Variants in SLC1A7 observed in about 807,000 individuals in gnomAD.
SLC1A7 encodes excitatory amino acid transporter 5.
A neutral mutation model predicts 47.7 loss-of-function variants in SLC1A7; 40 were observed. The observed-to-expected ratio is 0.84, with a 90% CI of 0.65 to 1.09. SLC1A7 has a LOEUF of 1.09. Among genes scored for constraint, SLC1A7 ranks in the 50% least tolerant of loss-of-function variants. The probability of loss-of-function intolerance (pLI) is 0.00; values close to 1 mark genes in which losing one functional copy is unlikely to be tolerated. For missense variants in SLC1A7, 746 were observed against 769.5 expected, an observed-to-expected ratio of 0.97 and a Z score of 0.36; for synonymous variants, 323 against 325.6, an observed-to-expected ratio of 0.99 and a Z score of 0.09.
intron 5 of SLC1A7, among the ~76,000 whole-genome samples, chr1:53,094,346 G>T (rs1485951552): frequency 1.3e-5 from 2 of 152,204 alleles, no homozygotes; most frequent in Non-Finnish European, 2.9e-5. Context: ...TGTGGGAACG[G>T]CTCCGTGGGG....
chr1:53,088,206 T>TG lies in SLC1A7; in HGVS notation c.1485dup (p.Lys496GlnfsTer44). 6.2e-7 allele frequency: 1 copy of TG among 1,610,972 alleles called. No individual in the cohort carries two copies. Among genetic ancestry groups the TG allele is most frequent in the Non-Finnish European group, 8.5e-7 (1 of 1,178,282 alleles). On this transcript the variant is annotated frameshift_variant, in exon 11 of 11. Transcript: ENST00000371494. LOFTEE classifies it high-confidence loss of function. The stretch of plus-strand genomic sequence containing the variant: ...ACGATCTCCTGGAGGCTCACTGGCT[T>TG]GGTCTCGCAGGGCAGCAGTTTCTGG...
At chr1:53,093,778 C>A (rs1644453757) in intron 5 of SLC1A7, among the ~76,000 whole-genome samples, 1 of 151,514 alleles carries the variant, frequency 6.6e-6, no homozygotes, top group African/African-American at 2.4e-5. Flanking sequence ...GCCAATGTCA[C>A]CTCCTCAGGA....
chr1:53,116,064 T>C (rs920601524), intron 2 of SLC1A7: 1 of 152,248 alleles, frequency 6.6e-6, no homozygotes, highest in Non-Finnish European at 1.5e-5. Flanking sequence ...GTTTTAATCA[T>C]GTAAACAAGA....
intron 1 of SLC1A7, among the ~76,000 whole-genome samples, chr1:53,140,307 GT>G (rs1372928173): frequency 6.6e-6 from 1 of 152,156 alleles, no homozygotes; most frequent in Admixed American, 6.5e-5. Flanking sequence ...ATTCCAATTT[GT>G]TTTCACAAAA....
chr1:53,133,855 A>G (rs1174659390), intron 2 of SLC1A7, among the ~76,000 whole-genome samples: 1 of 24,076 alleles, frequency 4.2e-5, no homozygotes, highest in Non-Finnish European at 1.1e-4. Context: ...CTCAGCATAC[A>G]CAACATATAG....
intron 5 of SLC1A7, 166 bp downstream of exon 5, chr1:53,103,180 G>A: frequency 3.5e-6 from 2 of 571,154 alleles, no homozygotes; most frequent in South Asian, 5.0e-5. Context: ...GGTGGGGTGG[G>A]GAGGCGAAGG....
intron 1 of SLC1A7, among the ~76,000 whole-genome samples, chr1:53,135,536 C>T (rs940908626): frequency 1.3e-5 from 2 of 152,228 alleles, no homozygotes; most frequent in African/African-American, 2.4e-5. Flanking sequence ...AGCCTGTCCA[C>T]GGATCTCTGA....
chr1:53,095,290 C>A (rs974202793), intron 5 of SLC1A7, among the ~76,000 whole-genome samples: 4 of 151,986 alleles, frequency 2.6e-5, no homozygotes, highest in Non-Finnish European at 5.9e-5. Context: ...GACACAGGCA[C>A]GGAGAGGCCA....
chr1:53,089,011 G>T, intron 9 of SLC1A7, 32 bp from the exon 10 acceptor site: 2 of 1,546,986 alleles, frequency 1.3e-6, no homozygotes, highest in Non-Finnish European at 1.8e-6. Flanking sequence ...TGAGTGGTGG[G>T]CACTTGAAGG....
intron 2 of SLC1A7, 56 bp downstream of exon 2, chr1:53,134,294 G>A: frequency 7.6e-7 from 1 of 1,321,838 alleles, no homozygotes; most frequent in East Asian, 2.3e-5. Flanking sequence ...GGCAGCAACA[G>A]AAGCCATCCT....
chr1:53,114,988 G>C lies in SLC1A7; in HGVS notation c.216-15C>G. ...CGGACATCAAGCTGGGAGGGCGAGGGGGTCAGGGGCTGTGGTGGGGAGGCC... is the reference window on the plus strand; with the variant it reads ...CGGACATCAAGCTGGGAGGGCGAGGCGGTCAGGGGCTGTGGTGGGGAGGCC... On this transcript the variant is annotated splice_polypyrimidine_tract_variant and intron_variant, in intron 2 of 10. Transcript: ENST00000371494. The C allele has an allele frequency of 1.2e-6, 2 of 1,608,066 alleles. No individual in the cohort carries two copies. The highest frequency in any genetic ancestry group is 1.7e-6 in the Non-Finnish European group (2 of 1,176,168).
At chr1:53,120,357 G>C (rs985578340) in intron 2 of SLC1A7, among the ~76,000 whole-genome samples, 1 of 152,076 alleles carries the variant, frequency 6.6e-6, no homozygotes, top group East Asian at 1.9e-4. Flanking sequence ...AGTTGTAGTC[G>C]CACCTCCCTA....
At position 53,134,384 on chromosome 1, in the gene SLC1A7, G is replaced by A. The variant is rs148963782; in HGVS notation, c.181C>T (p.Leu61=). Residue 61 remains leucine, a synonymous_variant, in exon 2 of 11, where the codon CTG becomes TTG. Transcript: ENST00000371494. ...QFPGELLMRM[L]KMMILPLVVS... The stretch of plus-strand genomic sequence containing the variant: ...ACCAGTGGCAGGATCATCATCTTCA[G>A]CATCCTCATCAGGAGCTCTCCAGGG... The A allele has an allele frequency of 2.4e-5, 38 of 1,613,280 alleles. No individual in the cohort carries two copies. The African/African-American group carries it at 4.8e-4, about 20-fold the overall frequency.
At position 53,114,471 on chromosome 1, in the gene SLC1A7, G is replaced by A. The variant is rs1572329553; in HGVS notation, c.431+287C>T. ...CAAAGGGAGGGGCCAATAACAGCCAGCCTCCCACCCTACAGGCTGGGCATC... is the reference window on the plus strand; with the variant it reads ...CAAAGGGAGGGGCCAATAACAGCCAACCTCCCACCCTACAGGCTGGGCATC... On this transcript the variant is annotated intron_variant, in intron 3 of 10. Transcript: ENST00000371494. 3.7e-5 allele frequency: 17 copies of A among 457,094 alleles called. No individual in the cohort carries two copies. In the East Asian group the frequency reaches 6.1e-4, roughly 16 times the overall value. The allele number at this position is 457,094 out of a possible 1,614,324, so 28.3% of individuals were successfully genotyped here.
chr1:53,122,046 C>T (rs2806271), intron 2 of SLC1A7, among the ~76,000 whole-genome samples: 47,767 of 151,594 alleles, frequency 0.32, 8,151 homozygotes, highest in Non-Finnish European at 0.39. Flanking sequence ...CTGTGTGGTC[C>T]GGAGCGGAGC....
rs1293427061 is a variant in SLC1A7 at position 53,114,738 on chromosome 1, G to T, written c.431+20C>A. On this transcript the variant is annotated intron_variant, in intron 3 of 10. Transcript: ENST00000371494. ...CTCGGGCCTGGCGTTCCCAAGCGGGGTGTGGGTGGCAATAGTTACCGGATG... is the reference window on the plus strand; with the variant it reads ...CTCGGGCCTGGCGTTCCCAAGCGGGTTGTGGGTGGCAATAGTTACCGGATG... 6.8e-6 allele frequency: 11 copies of T among 1,607,224 alleles called. No individual in the cohort carries two copies. The highest frequency in any genetic ancestry group is 9.4e-6 in the Non-Finnish European group (11 of 1,174,532).
chr1:53,104,392 T>C (rs1300335490), intron 4 of SLC1A7, among the ~76,000 whole-genome samples: 1 of 152,206 alleles, frequency 6.6e-6, no homozygotes, highest in Non-Finnish European at 1.5e-5. Flanking sequence ...TTGCTGGAGA[T>C]ACACAAATGA....
At chr1:53,107,245 A>G (rs1420443971) in intron 3 of SLC1A7, among the ~76,000 whole-genome samples, 1 of 152,010 alleles carries the variant, frequency 6.6e-6, no homozygotes, top group African/African-American at 2.4e-5. Context: ...CAGTATAGGA[A>G]ATGACTCTCT....
intron 6 of SLC1A7, 141 bp downstream of exon 6, chr1:53,093,320 A>G: frequency 1.5e-6 from 1 of 683,104 alleles, no homozygotes; most frequent in East Asian, 2.7e-5. Flanking sequence ...ATGGAAACAC[A>G]TGTAGCTCCG....
Sources: allele counts gnomAD v4.1 joint callset (sites outside exome capture counted in the v4.1 genomes callset), GRCh38; gene constraint gnomAD v4.1.1; transcripts MANE v1.5; gene names NCBI Gene and HGNC (gene_info 2026-07-23, HGNC 2026-07-21).